TP53BP1: variants seen among roughly 807,000 people sequenced by gnomAD.
TP53BP1 encodes tumor protein p53 binding protein 1.
Under a neutral mutation model 200.8 loss-of-function variants are expected in TP53BP1, and 61 were observed. The observed-to-expected ratio is 0.30, with a 90% CI of 0.25 to 0.38. The LOEUF (loss-of-function observed/expected upper bound fraction) is 0.38, where lower values mean the gene tolerates loss of function less well. Ranked by LOEUF, TP53BP1 falls within the 10% of genes least tolerant of loss-of-function variation. TP53BP1 has a pLI of 1.00. For synonymous variants in TP53BP1, 822 were observed against 844.3 expected (o/e 0.97, Z 0.46); for missense variants, 2,144 against 2,371.9 (o/e 0.90, Z 2.00).
chr15:43,493,817 C>A (rs1267693138), upstream of TP53BP1, among the ~76,000 whole-genome samples: 1 of 152,176 alleles, frequency 6.6e-6, no homozygotes, highest in African/African-American at 2.4e-5. Flanking sequence ...TTTATCGTTG[C>A]CTTATCTTTT....
Position 43,405,609 on chromosome 15 carries a change from T to C in TP53BP1, c.*1774A>G, listed in dbSNP as rs1048710642. On this transcript the variant is annotated 3_prime_UTR_variant, in exon 28 of 28. Coordinates refer to ENST00000382044, the MANE Select transcript of TP53BP1 (RefSeq NM_001141980.3). ...TGGTTCATATGTGAAAAAGTAATTA[T>C]GTTTATAAATAGACTAACTGCTGGA... 1.1e-5 allele frequency: 2 copies of C among 182,960 alleles called. No homozygotes were observed. Among genetic ancestry groups the C allele is most frequent in the African/African-American group, 4.7e-5 (2 of 42,370 alleles). The allele number at this position is 182,960 out of a possible 1,614,324, so 11.3% of individuals were successfully genotyped here. A position where few individuals can be genotyped will look rare whatever the true frequency, so the allele number is the denominator to read the frequency against.
chr15:43,475,028 G>A (rs1428523952), intron 9 of TP53BP1, among the ~76,000 whole-genome samples: 1 of 152,092 alleles, frequency 6.6e-6, no homozygotes, highest in Non-Finnish European at 1.5e-5. Flanking sequence ...CAGACACAAG[G>A]ACATCATGAT....
upstream of TP53BP1, among the ~76,000 whole-genome samples, chr15:43,494,977 C>A (rs2079172609): frequency 6.8e-6 from 1 of 146,902 alleles, no homozygotes; most frequent in Non-Finnish European, 1.5e-5. Flanking sequence ...TTACTTGAGC[C>A]CAGGAATTTG....
At chr15:43,507,048 G>C (rs962934588) in intron 1 of TP53BP1, among the ~76,000 whole-genome samples, 1 of 152,058 alleles carries the variant, frequency 6.6e-6, no homozygotes, top group Non-Finnish European at 1.5e-5. Flanking sequence ...CCACTTACTC[G>C]AGCCCACTCC....
intron 4 of TP53BP1, among the ~76,000 whole-genome samples, chr15:43,482,369 C>T (rs1441262184): frequency 6.6e-6 from 1 of 152,212 alleles, no homozygotes; most frequent in East Asian, 1.9e-4. Context: ...GGCGCAGGGG[C>T]TTATCCCTGT....
intron 13 of TP53BP1, 44 bp downstream of exon 13, chr15:43,447,322 C>A: frequency 6.4e-7 from 1 of 1,572,926 alleles, no homozygotes; most frequent in East Asian, 2.3e-5. Flanking sequence ...AGAATGATAT[C>A]TCAGAAATTC....
Position 43,404,506 on chromosome 15 carries a change from C to A in TP53BP1, c.*2877G>T. On this transcript the variant is annotated 3_prime_UTR_variant, in exon 28 of 28. Coordinates refer to ENST00000382044, the MANE Select transcript of TP53BP1 (RefSeq NM_001141980.3). ...AGATTTGGCTCAACTACTGTTACGA[C>A]TAGATTATAACAAATACTATACCCA... 3.1e-6 allele frequency: 5 copies of A among 1,614,136 alleles called. No homozygotes were observed. The highest frequency in any genetic ancestry group is 4.2e-6 in the Non-Finnish European group (5 of 1,180,016).
intron 15 of TP53BP1, among the ~76,000 whole-genome samples, chr15:43,440,473 C>T (rs913099462): frequency 6.6e-6 from 1 of 151,490 alleles, no homozygotes; most frequent in Non-Finnish European, 1.5e-5. Flanking sequence ...GGAGATCGTG[C>T]CACTGCACTC....
intron 21 of TP53BP1, 59 bp from the exon 22 acceptor site, chr15:43,416,475 T>C (rs1196650694): frequency 6.6e-7 from 1 of 1,520,736 alleles, no homozygotes; most frequent in Non-Finnish European, 9.0e-7. Context: ...TAGCACCCTC[T>C]CACAAGGGCT....
chr15:43,469,879 TGGGATA>T lies in TP53BP1; in HGVS notation c.1362_1367del (p.Ile455_Pro456del), dbSNP rs540564502. On this transcript the variant is annotated inframe_deletion, in exon 11 of 28. Coordinates refer to ENST00000382044, the MANE Select transcript of TP53BP1 (RefSeq NM_001141980.3). ...TCACATGAGAAAACTGAGGCTGGGA[TGGGATA>T]GGAAGTGACCCAGGAGGGAAGACTG... 14,204 of 1,613,540 alleles carry T rather than the reference TGGGATA, an allele frequency of 8.8e-3. 75 individuals carry two copies. Among genetic ancestry groups the T allele is most frequent in the Middle Eastern group, 0.013 (81 of 6,056 alleles).
chr15:43,444,919 G>A (rs988436716), intron 14 of TP53BP1, among the ~76,000 whole-genome samples: 4 of 151,936 alleles, frequency 2.6e-5, no homozygotes, highest in African/African-American at 9.7e-5. Context: ...TATGCTGGAG[G>A]TTGCAAATTT....
intron 1 of TP53BP1, among the ~76,000 whole-genome samples, chr15:43,504,079 G>C (rs1318570731): frequency 6.6e-6 from 1 of 151,918 alleles, no homozygotes; most frequent in Non-Finnish European, 1.5e-5. Flanking sequence ...GAGGCTAGGA[G>C]TTCGAGACCA....
At chr15:43,424,311 A>AC (rs895204506) in intron 18 of TP53BP1, among the ~76,000 whole-genome samples, 2 of 151,666 alleles carry the variant, frequency 1.3e-5, no homozygotes, top group African/African-American at 4.9e-5. Flanking sequence ...AACTATCTTC[A>AC]CCCCTTCCCT....
intron 14 of TP53BP1, among the ~76,000 whole-genome samples, chr15:43,442,815 C>CTTTTTT (rs71111818): frequency 3.3e-5 from 2 of 61,004 alleles, no homozygotes; most frequent in Non-Finnish European, 2.8e-5. Flanking sequence ...CAGTAATATT[C>CTTTTTT]TTTTTTTTTT....
intron 24 of TP53BP1, among the ~76,000 whole-genome samples, chr15:43,410,978 C>T (rs1015311143): frequency 2.0e-5 from 3 of 152,210 alleles, no homozygotes; most frequent in Non-Finnish European, 4.4e-5. Context: ...TATTTCTCAG[C>T]TTTGTCATAG....
At chr15:43,446,890 CA>C (rs1421234704) in intron 13 of TP53BP1, 5 of 965,210 alleles carry the variant, frequency 5.2e-6, no homozygotes, top group Non-Finnish European at 7.6e-6. Context: ...CTCCAGACGG[CA>C]TGATTGTTAC....
At chr15:43,446,285 C>T in intron 14 of TP53BP1, 102 bp downstream of exon 14, 1 of 899,500 alleles carries the variant, frequency 1.1e-6, no homozygotes, top group East Asian at 2.7e-5. Context: ...TTTACAAATA[C>T]ATTTATAAAT....
intron 1 of TP53BP1, among the ~76,000 whole-genome samples, chr15:43,501,125 G>A (rs980780624): frequency 6.6e-6 from 1 of 151,452 alleles, no homozygotes; most frequent in African/African-American, 2.4e-5. Context: ...CTTTCATTTT[G>A]TTTTTTATTT....
At chr15:43,448,544 T>A (rs963424739) in intron 12 of TP53BP1, among the ~76,000 whole-genome samples, 1 of 148,960 alleles carries the variant, frequency 6.7e-6, no homozygotes, top group African/African-American at 2.4e-5. Flanking sequence ...ACAAAAAAAT[T>A]TTTTTTTTTT....
Sources: gnomAD v4.1 joint callset for allele counts (sites outside exome capture counted in the v4.1 genomes callset) on GRCh38, gnomAD v4.1.1 for gene constraint, MANE v1.5 for transcripts, NCBI Gene and HGNC (gene_info 2026-07-23, HGNC 2026-07-21) for gene names.